CHID1: variants seen among roughly 807,000 people sequenced by gnomAD.
CHID1 encodes the protein chitinase domain-containing protein 1.
CHID1 carries 44 observed loss-of-function variants against 55.4 expected under a neutral mutation model. The ratio of observed to expected loss-of-function variants is 0.79; its 90% confidence interval spans 0.62 to 1.02. The LOEUF (loss-of-function observed/expected upper bound fraction) is 1.02. Among genes scored for constraint, CHID1 ranks in the 50% least tolerant of loss-of-function variants. The pLI is 0.00. For missense variants in CHID1, 491 were observed against 515.3 expected (o/e 0.95, Z 0.46); for synonymous variants, 216 against 212.9 (o/e 1.01, Z -0.13).
At chr11:888,753 CGGCCTCG>C (rs1850583174) in intron 8 of CHID1, among the ~76,000 whole-genome samples, 3 of 151,866 alleles carry the variant, frequency 2.0e-5, no homozygotes, top group African/African-American at 7.3e-5. Context: ...AGTGCCCACT[CGGCCTCG>C]ACTGGACCCC....
At chr11:905,309 T>C (rs1364837405) in intron 1 of CHID1, among the ~76,000 whole-genome samples, 2 of 152,084 alleles carry the variant, frequency 1.3e-5, no homozygotes, top group Non-Finnish European at 2.9e-5. Context: ...GAGACCGAGG[T>C]GGGAAGATTA....
At position 869,071 on chromosome 11, in the gene CHID1, G is replaced by C. The variant is rs1333121645; in HGVS notation, c.*787C>G. 6.6e-6 allele frequency: 1 copy of C among 152,328 alleles called. No homozygotes were observed. Among genetic ancestry groups the C allele is most frequent in the Non-Finnish European group, 1.5e-5 (1 of 68,124 alleles). 9.4% of individuals were successfully genotyped at this position (152,328 alleles called of 1,614,324 possible). On this transcript the variant is annotated 3_prime_UTR_variant, in exon 13 of 13. Transcript: ENST00000323578. ...CCCAGAGCCTGGACACCGCTGCATG[G>C]CAGGGTGGGTGTAGCCTGCCAGCCA...
At chr11:910,468 G>A (rs902054647) in intron 1 of CHID1, among the ~76,000 whole-genome samples, 1 of 152,086 alleles carries the variant, frequency 6.6e-6, no homozygotes, top group Non-Finnish European at 1.5e-5. Flanking sequence ...AGGCTTGCTC[G>A]CCCCAGCGCA....
chr11:872,368 T>C (rs1381802988), intron 10 of CHID1, among the ~76,000 whole-genome samples: 2 of 152,168 alleles, frequency 1.3e-5, no homozygotes, highest in African/African-American at 2.4e-5. Context: ...ATGTTAGTCA[T>C]GCTGGTCTTG....
intron 2 of CHID1, among the ~76,000 whole-genome samples, chr11:904,408 G>C (rs1413146936): frequency 6.6e-6 from 1 of 152,234 alleles, no homozygotes; most frequent in African/African-American, 2.4e-5. Flanking sequence ...ATATAAACGA[G>C]AGGTAGAGCA....
chr11:876,158 CA>C (rs903010678), intron 10 of CHID1, among the ~76,000 whole-genome samples: 99 of 152,276 alleles, frequency 6.5e-4, no homozygotes, highest in African/African-American at 2.2e-3. Flanking sequence ...GGCACAGGTG[CA>C]AGGACAGATA....
Position 899,337 on chromosome 11 carries a change from C to A in CHID1, c.608+3G>T. 6.3e-7 allele frequency: 1 copy of A among 1,598,754 alleles called. No homozygotes were observed. Among genetic ancestry groups the A allele is most frequent in the Non-Finnish European group, 8.5e-7 (1 of 1,172,560 alleles). On this transcript the variant is annotated splice_donor_region_variant and intron_variant, in intron 7 of 12. Coordinates refer to ENST00000323578, the MANE Select transcript of CHID1 (RefSeq NM_023947.4). The stretch of plus-strand genomic sequence containing the variant: ...CCACCCACCACCACCTGTGCCCACT[C>A]ACACGCGCTTCTGGCTTAGCAGCTG...
Position 869,950 on chromosome 11 carries a change from G to C in CHID1, c.1090C>G (p.Gln364Glu). 6.2e-7 allele frequency: 1 copy of C among 1,612,772 alleles called. No homozygotes were observed. The highest frequency in any genetic ancestry group is 8.5e-7 in the Non-Finnish European group (1 of 1,179,864). The change falls in exon 13 of 13, where the codon CAG (glutamine) becomes GAG (glutamate). Residue 364 changes from glutamine (Q) to glutamate (E), a missense_variant. Gln to Glu is a conservative substitution (Grantham distance 29). Transcript: ENST00000323578. ...VVFYPTLKSLQVRLELARELG... is the reference protein window; with the variant it reads ...VVFYPTLKSLEVRLELARELG... ...TCCCGGGCCAGCTCCAGCCGCACCT[G>C]CAGGGACTGGGCACAGATGGAGGTG... is the stretch of plus-strand genomic sequence containing the variant.
chr11:870,552 C>T, intron 10 of CHID1, 53 bp from the exon 11 acceptor site: 2 of 1,287,904 alleles, frequency 1.6e-6, no homozygotes, highest in Non-Finnish European at 1.1e-6. Flanking sequence ...CCCACAGCCC[C>T]ACCCTGTACC....
At chr11:896,293 G>A (rs1282176596) in intron 7 of CHID1, among the ~76,000 whole-genome samples, 1 of 127,994 alleles carries the variant, frequency 7.8e-6, no homozygotes, top group Non-Finnish European at 1.6e-5. Flanking sequence ...CTCCACCCCA[G>A]ACACAACGAG....
chr11:896,524 A>T (rs1309904778), intron 7 of CHID1, among the ~76,000 whole-genome samples: 1 of 94,412 alleles, frequency 1.1e-5, no homozygotes, highest in Non-Finnish European at 2.0e-5. Flanking sequence ...CCCAGCCTCC[A>T]CCCCAGACGT....
intron 1 of CHID1, among the ~76,000 whole-genome samples, chr11:907,891 A>G (rs1852355901): frequency 6.6e-6 from 1 of 152,178 alleles, no homozygotes. Flanking sequence ...CCTACCCAAA[A>G]GACTCCCTGG....
rs145732828 is a variant in CHID1, at chr11:902,355, C to T, written c.262-25G>A. ...ACTGGCAAAAGATGGAGACATCAGA[C>T]GGAGGACAGGTGAGTGAGCACCTGT... On this transcript the variant is annotated intron_variant, in intron 3 of 12. Coordinates refer to ENST00000323578, the MANE Select transcript of CHID1 (RefSeq NM_023947.4). 1,686 of 1,605,424 alleles carry T rather than the reference C, an allele frequency of 1.1e-3. 36 individuals are homozygous for T. The East Asian group carries it at 0.034, about 33-fold the overall frequency.
At chr11:879,684 C>T (rs1849758289) in intron 10 of CHID1, among the ~76,000 whole-genome samples, 1 of 152,246 alleles carries the variant, frequency 6.6e-6, no homozygotes. Flanking sequence ...CCCTTGAAGA[C>T]TAGTGCGGTG....
At chr11:908,756 G>A (rs1014171025) in intron 1 of CHID1, 1 of 239,428 alleles carries the variant, frequency 4.2e-6, no homozygotes. Flanking sequence ...AACCACTATA[G>A]GGCTGGGTCT....
chr11:902,087 TACAG>T (rs1477974616), intron 4 of CHID1, 107 bp downstream of exon 4: 3 of 1,285,644 alleles, frequency 2.3e-6, no homozygotes, highest in Non-Finnish European at 3.3e-6. Flanking sequence ...CACACTCCCA[TACAG>T]AGACACCCAC....
chr11:894,172 G>A (rs1383401291), intron 7 of CHID1, among the ~76,000 whole-genome samples: 8 of 145,060 alleles, frequency 5.5e-5, no homozygotes, highest in African/African-American at 2.0e-4. Flanking sequence ...GTAAGAAAAG[G>A]CCCCCAGCAG....
chr11:903,987 CA>C (rs1380652314), intron 2 of CHID1, among the ~76,000 whole-genome samples: 1 of 152,142 alleles, frequency 6.6e-6, no homozygotes, highest in Non-Finnish European at 1.5e-5. Flanking sequence ...CCCCCCTGGC[CA>C]ATGCGAGTCT....
At chr11:894,758 G>A (rs182372458) in intron 7 of CHID1, among the ~76,000 whole-genome samples, 1 of 152,314 alleles carries the variant, frequency 6.6e-6, no homozygotes, top group African/African-American at 2.4e-5. Context: ...TCAGGACGAG[G>A]TGACGGTTCC....
Sources: allele counts gnomAD v4.1 joint callset (sites outside exome capture counted in the v4.1 genomes callset), GRCh38; gene constraint gnomAD v4.1.1; transcripts MANE v1.5; gene names NCBI Gene and HGNC (gene_info 2026-07-23, HGNC 2026-07-21).